Variants in NOS1 observed in about 807,000 individuals in gnomAD.
NOS1 encodes the protein NOS type I.
NOS1 carries 51 observed loss-of-function variants against 164.5 expected under a neutral mutation model. The ratio of observed to expected loss-of-function variants is 0.31; its 90% CI spans 0.25 to 0.39. The LOEUF is 0.39. Ranked by LOEUF, NOS1 falls within the 10% of genes least tolerant of loss-of-function variation. The pLI is 1.00. For synonymous variants in NOS1, 719 were observed against 745.8 expected (o/e 0.96, Z 0.59); for missense variants, 1,362 against 1,885.6 (o/e 0.72, Z 5.14).
In NOS1 at chr12:117,253,594, C is replaced by A. The variant is rs773084434; in HGVS notation, c.2648+44G>T. ...GTAAGTAGGTCAAGCTCCCCAGGAG[C>A]CTTAGTCTTCCCTGACCCCCGACCC... On this transcript the variant is annotated intron_variant, in intron 17 of 28. Coordinates refer to ENST00000317775, the MANE Select transcript of NOS1 (RefSeq NM_000620.5). The A allele has an allele frequency of 1.0e-5, 14 of 1,352,640 alleles. No individual in the cohort carries two copies. In the South Asian group the frequency reaches 1.5e-4, roughly 15 times the overall value. 83.8% of individuals were successfully genotyped at this position (1,352,640 alleles called of 1,614,324 possible). A position where few individuals can be genotyped will look rare whatever the true frequency, so the allele number is the denominator to read the frequency against.
At chr12:117,235,701 G>GT (rs1869650181) in intron 20 of NOS1, among the ~76,000 whole-genome samples, 1 of 152,148 alleles carries the variant, frequency 6.6e-6, no homozygotes, top group Non-Finnish European at 1.5e-5. Flanking sequence ...TAATCCAACA[G>GT]CTTTCAATAA....
chr12:117,295,532 T>C (rs940841202), intron 3 of NOS1, among the ~76,000 whole-genome samples: 2 of 151,954 alleles, frequency 1.3e-5, no homozygotes, highest in African/African-American at 4.8e-5. Flanking sequence ...GGATGCCTGA[T>C]GTAAAGGGTT....
intron 1 of NOS1, among the ~76,000 whole-genome samples, chr12:117,336,795 A>G (rs1342993294): frequency 1.3e-5 from 2 of 151,822 alleles, no homozygotes; most frequent in African/African-American, 4.8e-5. Flanking sequence ...ATTGCTTTTC[A>G]CTCTTCTTTC....
At chr12:117,239,402 A>G (rs77216167) in intron 20 of NOS1, among the ~76,000 whole-genome samples, 214 of 152,200 alleles carry the variant, frequency 1.4e-3, no homozygotes, top group African/African-American at 4.9e-3. Flanking sequence ...TAGTGTCTAC[A>G]CCCCACACAT....
intron 16 of NOS1, among the ~76,000 whole-genome samples, chr12:117,258,133 G>C (rs567718463): frequency 3.2e-4 from 49 of 152,230 alleles, no homozygotes; most frequent in African/African-American, 1.2e-3. Flanking sequence ...TTTGTGATTT[G>C]ATTCTTACTA....
chr12:117,239,061 G>C (rs1869954634), intron 20 of NOS1, among the ~76,000 whole-genome samples: 1 of 152,192 alleles, frequency 6.6e-6, no homozygotes. Flanking sequence ...CATCTGCTAA[G>C]AGACTGCATG....
rs1160361695 is a variant in NOS1, at chr12:117,212,444, C to A, written c.*2865G>T. On this transcript the variant is annotated 3_prime_UTR_variant, in exon 29 of 29. Transcript: ENST00000317775. ...CTCACTCCAGGGAAACCAAAAGAAG[C>A]CCTCTCTCCTCCCAAGGAGTTTAAC... is the stretch of plus-strand genomic sequence containing the variant. The A allele has an allele frequency of 4.1e-6, 4 of 985,264 alleles. No homozygotes were observed. Among genetic ancestry groups the A allele is most frequent in the Non-Finnish European group, 4.8e-6 (4 of 829,948 alleles). 61.0% of individuals were successfully genotyped at this position (985,264 alleles called of 1,614,324 possible). A position where few individuals can be genotyped will look rare whatever the true frequency, so the allele number is the denominator to read the frequency against.
At chr12:117,273,697 G>A (rs919536162) in intron 9 of NOS1, among the ~76,000 whole-genome samples, 1 of 151,976 alleles carries the variant, frequency 6.6e-6, no homozygotes, top group South Asian at 2.1e-4. Flanking sequence ...CAAAATTTAT[G>A]TATATATATG....
chr12:117,225,065 G>C lies in NOS1; in HGVS notation c.3777C>G (p.Ala1259=). ...CILVGPGTGI[A]PFRSFWQQRQ... is the part of the protein sequence containing the mutation. ...GCTGTTGCCAGAAGCTTCGGAAAGGGGCAATGCCGGTGCCTGGTCCAACGA... is the reference window on the plus strand; with the variant it reads ...GCTGTTGCCAGAAGCTTCGGAAAGGCGCAATGCCGGTGCCTGGTCCAACGA... The change falls in exon 25 of 29, where the codon GCC becomes GCG. Residue 1259 remains alanine (A), a synonymous_variant. Transcript: ENST00000317775. The C allele has an allele frequency of 6.2e-7, 1 of 1,614,218 alleles. No homozygotes were observed. Among genetic ancestry groups the C allele is most frequent in the Non-Finnish European group, 8.5e-7 (1 of 1,180,048 alleles).
At position 117,209,018 on chromosome 12, in the gene NOS1, T is replaced by A; in HGVS notation, c.*6291A>T. 1.0e-6 allele frequency: 1 copy of A among 985,032 alleles called. No homozygotes were observed. The allele number at this position is 985,032 out of a possible 1,614,324, so 61.0% of individuals were successfully genotyped here. A position where few individuals can be genotyped will look rare whatever the true frequency, so the allele number is the denominator to read the frequency against. On this transcript the variant is annotated 3_prime_UTR_variant, in exon 29 of 29. Coordinates refer to ENST00000317775, the MANE Select transcript of NOS1 (RefSeq NM_000620.5). ...GATTACAGGCATGAGCCACCACGCC[T>A]GGCCTGGGAGGGGTTTTTGAAAGCA... is the stretch of plus-strand genomic sequence containing the variant.
chr12:117,228,837 A>G (rs2135936156), intron 22 of NOS1, among the ~76,000 whole-genome samples: 1 of 152,148 alleles, frequency 6.6e-6, no homozygotes, highest in South Asian at 2.1e-4. Flanking sequence ...CTGGAGTGCA[A>G]CGGCACGATC....
intron 1 of NOS1, among the ~76,000 whole-genome samples, chr12:117,334,223 T>C (rs922725818): frequency 2.0e-5 from 3 of 152,172 alleles, no homozygotes; most frequent in Non-Finnish European, 4.4e-5. Flanking sequence ...GGGCTGGTGC[T>C]TGGGAAATTG....
chr12:117,231,689 G>C (rs915904633), intron 22 of NOS1, among the ~76,000 whole-genome samples: 6 of 152,334 alleles, frequency 3.9e-5, no homozygotes, highest in African/African-American at 1.4e-4. Flanking sequence ...GGAAGCTCAA[G>C]GTTCCAGAAG....
chr12:117,211,641 C>T lies in NOS1; in HGVS notation c.*3668G>A, dbSNP rs968750712. 2.5e-5 allele frequency: 25 copies of T among 985,428 alleles called. No individual in the cohort carries two copies. The African/African-American group carries it at 3.3e-4, about 13-fold the overall frequency. 61.0% of individuals were successfully genotyped at this position (985,428 alleles called of 1,614,324 possible). ...CAATTTATCTTACATGCTCCCTGTCCGTGCCTTTCCTCTCACTCTTCCCAA... is the reference window on the plus strand; with the variant it reads ...CAATTTATCTTACATGCTCCCTGTCTGTGCCTTTCCTCTCACTCTTCCCAA... On this transcript the variant is annotated 3_prime_UTR_variant, in exon 29 of 29. Transcript: ENST00000317775.
intron 9 of NOS1, among the ~76,000 whole-genome samples, chr12:117,274,158 C>T (rs1425281553): frequency 6.6e-6 from 1 of 152,136 alleles, no homozygotes. Context: ...TGGGCACTTG[C>T]TCTGAACAGA....
chr12:117,306,403 C>G (rs1176091215), intron 3 of NOS1, among the ~76,000 whole-genome samples: 1 of 48,576 alleles, frequency 2.1e-5, no homozygotes, highest in Non-Finnish European at 3.6e-5. Flanking sequence ...GGTCCTTCTT[C>G]CAGCGCTGAG....
chr12:117,229,840 T>C (rs1453521421), intron 22 of NOS1, among the ~76,000 whole-genome samples: 2 of 152,194 alleles, frequency 1.3e-5, no homozygotes, highest in African/African-American at 4.8e-5. Context: ...CCGCCTGCCT[T>C]GGCCTCCCAA....
intron 10 of NOS1, among the ~76,000 whole-genome samples, chr12:117,269,006 T>G: frequency 6.6e-6 from 1 of 152,160 alleles, no homozygotes; most frequent in African/African-American, 2.4e-5. Context: ...AACTAGAGAC[T>G]CGGCTGGCCC....
At chr12:117,269,092 G>A (rs1268717039) in intron 10 of NOS1, among the ~76,000 whole-genome samples, 3 of 152,286 alleles carry the variant, frequency 2.0e-5, no homozygotes, top group East Asian at 3.9e-4. Flanking sequence ...TTCTTAGGAA[G>A]AAAATAAGGA....
Sources: gnomAD v4.1 joint callset for allele counts (sites outside exome capture counted in the v4.1 genomes callset) on GRCh38, gnomAD v4.1.1 for gene constraint, MANE v1.5 for transcripts, NCBI Gene and HGNC (gene_info 2026-07-23, HGNC 2026-07-21) for gene names.